The following SLC26A3 variants were observed in gnomAD, a reference collection of about 807,000 sequenced individuals.
SLC26A3 encodes chloride anion exchanger.
SLC26A3 carries 64 observed loss-of-function variants against 85.6 expected under a neutral mutation model. The ratio of observed to expected loss-of-function variants is 0.75; its 90% CI spans 0.61 to 0.92. The LOEUF (loss-of-function observed/expected upper bound fraction) is 0.92. Ranked by LOEUF, SLC26A3 falls within the 40% of genes least tolerant of loss-of-function variation. The pLI, the probability that SLC26A3 is intolerant of heterozygous loss-of-function variation, is 0.00. For missense variants in SLC26A3, 922 were observed against 927.3 expected (o/e 0.99, Z 0.07); for synonymous variants, 349 against 336.0 (o/e 1.04, Z -0.42).
chr7:107,790,967 A>AG (rs1402127018), intron 5 of SLC26A3, 81 bp downstream of exon 5: 9 of 1,419,752 alleles, frequency 6.3e-6, no homozygotes, highest in East Asian at 2.4e-5. Flanking sequence ...GAGGAGTGGC[A>AG]GGGGGGAGGA....
chr7:107,769,626 T>G (rs1793970973), intron 18 of SLC26A3, among the ~76,000 whole-genome samples: 2 of 152,066 alleles, frequency 1.3e-5, no homozygotes, highest in African/African-American at 2.4e-5. Context: ...AACTAATGGG[T>G]GCTAGGCTTA....
intron 3 of SLC26A3, among the ~76,000 whole-genome samples, chr7:107,792,838 A>G (rs76668774): frequency 0.041 from 6,238 of 152,352 alleles, 196 homozygotes; most frequent in South Asian, 0.094. Flanking sequence ...TGCAAATTGT[A>G]TATCTGACAA....
intron 20 of SLC26A3, 46 bp from the exon 21 acceptor site, chr7:107,765,924 C>G (rs370590256): frequency 6.4e-7 from 1 of 1,556,090 alleles, no homozygotes; most frequent in Non-Finnish European, 8.9e-7. Context: ...TCGTCAAGTT[C>G]TGTTACAATA....
intron 8 of SLC26A3, among the ~76,000 whole-genome samples, chr7:107,783,648 C>T (rs1794246154): frequency 1.3e-5 from 2 of 152,214 alleles, no homozygotes. Flanking sequence ...TATAAGCTTC[C>T]TGCAAAATGT....
At chr7:107,796,833 A>G (rs995665146) in intron 1 of SLC26A3, among the ~76,000 whole-genome samples, 1 of 151,476 alleles carries the variant, frequency 6.6e-6, no homozygotes, top group African/African-American at 2.4e-5. Flanking sequence ...AGATGCTGCT[A>G]TGGCCAGGAA....
rs1180603406 is a variant in SLC26A3, at chr7:107,774,872, C to A, written c.1678G>T (p.Val560Phe). The A allele has an allele frequency of 6.2e-7, 1 of 1,612,708 alleles. No individual in the cohort carries two copies. The highest frequency in any genetic ancestry group is 1.1e-5 in the South Asian group (1 of 91,052). The change falls in exon 16 of 21, where the codon GTT becomes TTT. Residue 560 changes from valine to phenylalanine, a missense_variant and splice_region_variant. Physicochemically the swap from Val to Phe is conservative, Grantham distance 50. Transcript: ENST00000340010. ...AGAATTCGAAGTGGACTAAAGCCAA[C>A]CTGAGAAACCCATTGCTGTGTTACA... ...GFFRRKLIDA[V>F]GFSPLRILRK...
At chr7:107,787,779 C>G (rs1183008060) in intron 6 of SLC26A3, among the ~76,000 whole-genome samples, 1 of 152,114 alleles carries the variant, frequency 6.6e-6, no homozygotes, top group African/African-American at 2.4e-5. Context: ...TGGCTAGTGT[C>G]AAATTTTGTT....
At chr7:107,801,116 T>A (rs1289515875) in intron 1 of SLC26A3, among the ~76,000 whole-genome samples, 4 of 152,200 alleles carry the variant, frequency 2.6e-5, no homozygotes, top group African/African-American at 7.2e-5. Flanking sequence ...AGTATTACTG[T>A]GGATGGAGGC....
chr7:107,765,937 C>G, intron 20 of SLC26A3, 59 bp from the exon 21 acceptor site: 1 of 1,454,020 alleles, frequency 6.9e-7, no homozygotes, highest in Non-Finnish European at 9.7e-7. Context: ...TTACAATAAT[C>G]ACATCTTAGG....
chr7:107,773,833 G>A, intron 17 of SLC26A3, 87 bp downstream of exon 17: 1 of 1,121,226 alleles, frequency 8.9e-7, no homozygotes, highest in South Asian at 1.3e-5. Context: ...TTACAGGCAT[G>A]AGCCACTGTG....
chr7:107,791,088 G>GCCA lies in SLC26A3; in HGVS notation c.527_529dup (p.Val176dup), dbSNP rs772974499. ...AAGCACTGTGACTGATGCCGCCGCC[G>GCCA]CCACCCTCACCCTCTCGTCATCCAG... is the stretch of plus-strand genomic sequence containing the variant. On this transcript the variant is annotated inframe_insertion, in exon 5 of 21. Transcript: ENST00000340010. 1.2e-6 allele frequency: 2 copies of GCCA among 1,613,984 alleles called. No homozygotes were observed. Among genetic ancestry groups the GCCA allele is most frequent in the Non-Finnish European group, 8.5e-7 (1 of 1,180,024 alleles).
chr7:107,782,627 G>A (rs1026590128), intron 11 of SLC26A3, among the ~76,000 whole-genome samples, 170 bp downstream of exon 11: 2 of 152,168 alleles, frequency 1.3e-5, no homozygotes, highest in Non-Finnish European at 2.9e-5. Context: ...AGAACATGTT[G>A]CCAGGGAAAA....
At chr7:107,781,709 T>C (rs1794217066) in intron 11 of SLC26A3, among the ~76,000 whole-genome samples, 1 of 152,136 alleles carries the variant, frequency 6.6e-6, no homozygotes, top group Non-Finnish European at 1.5e-5. Flanking sequence ...AAGATGGATT[T>C]GGCCATTGAG....
At chr7:107,794,338 A>G in intron 2 of SLC26A3, 41 bp downstream of exon 2, 1 of 1,610,782 alleles carries the variant, frequency 6.2e-7, no homozygotes, top group South Asian at 1.1e-5. Flanking sequence ...AAGTGCTTCA[A>G]AAATGTATTC....
intron 5 of SLC26A3, among the ~76,000 whole-genome samples, chr7:107,790,507 C>T (rs1190633190): frequency 1.3e-5 from 2 of 152,014 alleles, no homozygotes; most frequent in Non-Finnish European, 2.9e-5. Context: ...TCAAAAAGTC[C>T]ATGACATTTT....
rs1308606296 is a variant in SLC26A3, at chr7:107,767,876, A to G, written c.2095T>C (p.Phe699Leu). 3 of 1,613,712 alleles carry G rather than the reference A, an allele frequency of 1.9e-6. No homozygotes were observed. Among genetic ancestry groups the G allele is most frequent in the Non-Finnish European group, 2.5e-6 (3 of 1,179,716 alleles). Reference protein sequence around the residue: ...DFIEKLNRYEFFDGEVKSSIF... With the variant: ...DFIEKLNRYELFDGEVKSSIF... The stretch of plus-strand genomic sequence containing the variant: ...GAGCTTTTCACTTCACCATCAAAAA[A>G]TTCATACCGGTTAAGCTTCTCAATG... Residue 699 changes from phenylalanine (F) to leucine (L), a missense_variant, in exon 19 of 21, where the codon TTT becomes CTT. Transcript: ENST00000340010.
rs1452161125 is a variant in SLC26A3 at position 107,778,253 on chromosome 7, G to C, written c.1436C>G (p.Thr479Ser). The change falls in exon 13 of 21, where the codon ACC becomes AGC. Residue 479 changes from threonine (T) to serine (S), a missense_variant. Physicochemically the swap from Thr to Ser is moderately conservative, Grantham distance 58. Transcript: ENST00000340010. Reference protein sequence around the residue: ...CLIWIMTFIFTIVLGLGLGLA... With the variant: ...CLIWIMTFIFSIVLGLGLGLA... Reference sequence around the variant, plus strand: ...GCCTAACCCGAGTCCCAGGACAATGGTGAAGATGAAGGTCATGATCCAAAT... The same window carrying C: ...GCCTAACCCGAGTCCCAGGACAATGCTGAAGATGAAGGTCATGATCCAAAT... 6.2e-7 allele frequency: 1 copy of C among 1,613,380 alleles called. No homozygotes were observed.
chr7:107,784,695 G>A (rs548919207), intron 8 of SLC26A3, among the ~76,000 whole-genome samples: 2 of 152,158 alleles, frequency 1.3e-5, no homozygotes, highest in African/African-American at 4.8e-5. Context: ...ACCTCCCAAC[G>A]TGCTGAGATT....
intron 6 of SLC26A3, 133 bp from the exon 7 acceptor site, chr7:107,787,642 G>A: frequency 1.2e-5 from 9 of 748,722 alleles, no homozygotes; most frequent in Non-Finnish European, 1.8e-5. Context: ...TTCCTGTATT[G>A]CCCCGGTTTA....
Sources: gnomAD v4.1 joint callset for allele counts (sites outside exome capture counted in the v4.1 genomes callset) on GRCh38, gnomAD v4.1.1 for gene constraint, MANE v1.5 for transcripts, NCBI Gene and HGNC (gene_info 2026-07-23, HGNC 2026-07-21) for gene names.